The following MAPK10 variants were observed in gnomAD, a reference collection of about 807,000 sequenced individuals.
MAPK10 encodes mitogen-activated protein kinase 10.
MAPK10 carries 25 observed loss-of-function variants against 59.3 expected under a neutral mutation model. The ratio of observed to expected loss-of-function variants is 0.42; its 90% CI spans 0.31 to 0.59. The LOEUF (loss-of-function observed/expected upper bound fraction) is 0.59. MAPK10 is among the 20% of genes least tolerant of loss of function. The pLI, the probability that MAPK10 is intolerant of heterozygous loss-of-function variation, is 0.15. For synonymous variants in MAPK10, 190 were observed against 200.5 expected (o/e 0.95, Z 0.44); for missense variants, 351 against 568.9 (o/e 0.62, Z 3.90).
At chr4:86,212,561 A>G (rs2086143915) in intron 2 of MAPK10, among the ~76,000 whole-genome samples, 1 of 152,210 alleles carries the variant, frequency 6.6e-6, no homozygotes, top group Non-Finnish European at 1.5e-5. Flanking sequence ...AATAGTAACC[A>G]TAAAGAGAAC....
intron 1 of MAPK10, among the ~76,000 whole-genome samples, chr4:86,368,671 C>A (rs996632122): frequency 6.6e-6 from 1 of 152,160 alleles, no homozygotes; most frequent in Admixed American, 6.5e-5. Context: ...GAACCTCCCA[C>A]AACTAGCAAA....
intron 2 of MAPK10, among the ~76,000 whole-genome samples, chr4:86,263,776 T>C (rs892255954): frequency 6.6e-6 from 1 of 152,190 alleles, no homozygotes; most frequent in Non-Finnish European, 1.5e-5. Flanking sequence ...ACCTGTGAGG[T>C]TTTTTGATAG....
intron 4 of MAPK10, among the ~76,000 whole-genome samples, chr4:86,137,126 C>A (rs1368189656): frequency 6.6e-6 from 1 of 150,542 alleles, no homozygotes; most frequent in South Asian, 2.1e-4. Context: ...GACAGATCAA[C>A]GAGACAGAAG....
At chr4:86,458,355 G>A (rs575291596) in intron 1 of MAPK10, among the ~76,000 whole-genome samples, 246 of 151,486 alleles carry the variant, frequency 1.6e-3, no homozygotes, top group Middle Eastern at 3.4e-3. Context: ...CCAGCTACTT[G>A]GGAGGCCGAG....
intron 1 of MAPK10, among the ~76,000 whole-genome samples, chr4:86,425,770 C>A (rs774449834): frequency 2.0e-5 from 3 of 152,132 alleles, no homozygotes; most frequent in African/African-American, 4.8e-5. Context: ...GCCAGGAGTT[C>A]GAGAGCAGCC....
intron 2 of MAPK10, among the ~76,000 whole-genome samples, chr4:86,307,298 C>T (rs2095586402): frequency 6.6e-6 from 1 of 152,112 alleles, no homozygotes; most frequent in Non-Finnish European, 1.5e-5. Flanking sequence ...ATCTTAGAGC[C>T]TTTCTGATTT....
rs1183239309 is a variant in MAPK10, at chr4:86,011,174, T to C, written c.*6054A>G. On this transcript the variant is annotated 3_prime_UTR_variant, in exon 14 of 14. Transcript: ENST00000641462. ...CACATTTTTAGTGCCTTAAACAGAC[T>C]ACAATGATGTAAATGGTTGAACAGT... 1.3e-5 allele frequency: 2 copies of C among 152,230 alleles called. No individual in the cohort carries two copies. Among genetic ancestry groups the C allele is most frequent in the East Asian group, 1.9e-4 (1 of 5,198 alleles). 9.4% of individuals were successfully genotyped at this position (152,230 alleles called of 1,614,324 possible).
chr4:86,459,550 TATAG>T (rs1431664314), intron 1 of MAPK10, among the ~76,000 whole-genome samples: 2 of 152,280 alleles, frequency 1.3e-5, no homozygotes, highest in African/African-American at 2.4e-5. Flanking sequence ...GATATGTATA[TATAG>T]ATAGATAGAT....
chr4:86,537,197 A>G (rs1758314356), intron 1 of MAPK10, among the ~76,000 whole-genome samples: 1 of 152,210 alleles, frequency 6.6e-6, no homozygotes, highest in African/African-American at 2.4e-5. Context: ...GCAAAGGCAG[A>G]GTGGTGCATA....
chr4:86,159,731 T>G (rs1338826477), intron 3 of MAPK10, among the ~76,000 whole-genome samples: 2 of 152,050 alleles, frequency 1.3e-5, no homozygotes, highest in Admixed American at 1.3e-4. Context: ...ATTCACATAA[T>G]CTTTTCTAAA....
At position 86,465,068 on chromosome 4, in the gene MAPK10, A is replaced by T. The variant is rs192053498; in HGVS notation, c.-262-110424T>A. 7.2e-5 allele frequency among the ~76,000 whole-genome samples: 11 copies of T among 152,320 alleles called. No individual in the cohort carries two copies. The East Asian group carries it at 1.9e-3, about 27-fold the overall frequency. On this transcript the variant is annotated intron_variant, in intron 1 of 4. Coordinates refer to the MAPK10 transcript ENST00000502302. ...CAACTTGTGAAATGGTACATTCCTC[A>T]TCTTTTACAGGAGGAGTTAATCCTC...
chr4:86,103,117 G>GT (rs1553989212), intron 6 of MAPK10, 69 bp downstream of exon 6: 385 of 742,824 alleles, frequency 5.2e-4, no homozygotes, highest in Middle Eastern at 7.5e-4. Flanking sequence ...GTGTGTGTGT[G>GT]GTGTGTGATT....
At chr4:86,256,734 CT>C (rs767737802) in intron 2 of MAPK10, among the ~76,000 whole-genome samples, 320 of 59,618 alleles carry the variant, frequency 5.4e-3, no homozygotes, top group Admixed American at 0.024. Context: ...TTCTTTCTTT[CT>C]TTTTTTTTTT....
chr4:86,243,365 C>T (rs1423901997), intron 2 of MAPK10, among the ~76,000 whole-genome samples: 2 of 152,178 alleles, frequency 1.3e-5, no homozygotes, highest in South Asian at 4.1e-4. Context: ...ATATGACTAC[C>T]AGAGGAATCT....
intron 1 of MAPK10, among the ~76,000 whole-genome samples, chr4:86,545,531 C>T (rs1047591017): frequency 1.3e-5 from 2 of 151,850 alleles, no homozygotes; most frequent in Non-Finnish European, 2.9e-5. Context: ...TCCAATGGCA[C>T]AATGCAGGAA....
intron 1 of MAPK10, among the ~76,000 whole-genome samples, chr4:86,496,738 T>C (rs1218758187): frequency 6.6e-6 from 1 of 152,206 alleles, no homozygotes; most frequent in African/African-American, 2.4e-5. Context: ...CCAACAAATT[T>C]CTATTTTCCG....
intron 1 of MAPK10, among the ~76,000 whole-genome samples, chr4:86,495,114 A>G (rs969444588): frequency 1.3e-5 from 2 of 152,108 alleles, no homozygotes; most frequent in African/African-American, 2.4e-5. Flanking sequence ...TGCTCCAACA[A>G]GTTTAGGGTA....
At chr4:86,412,749 A>T (rs865843688) in intron 1 of MAPK10, among the ~76,000 whole-genome samples, 2 of 152,170 alleles carry the variant, frequency 1.3e-5, no homozygotes, top group African/African-American at 2.4e-5. Flanking sequence ...TTTCAACTCC[A>T]TCGGGTCATT....
chr4:86,425,869 G>A (rs1747212608), intron 1 of MAPK10, among the ~76,000 whole-genome samples: 1 of 152,144 alleles, frequency 6.6e-6, no homozygotes, highest in Non-Finnish European at 1.5e-5. Context: ...TACTCAGGAG[G>A]CTGAGGCAGG....
Sources: gnomAD v4.1 joint callset for allele counts (sites outside exome capture counted in the v4.1 genomes callset) on GRCh38, gnomAD v4.1.1 for gene constraint, MANE v1.5 for transcripts, NCBI Gene and HGNC (gene_info 2026-07-23, HGNC 2026-07-21) for gene names.